The following DCAF6 variants were observed in gnomAD, a reference collection of about 807,000 sequenced individuals.
DCAF6 encodes DDB1- and CUL4-associated factor 6.
A neutral mutation model predicts 125.1 loss-of-function variants in DCAF6; 54 were observed. The ratio of observed to expected loss-of-function variants is 0.43; its 90% CI spans 0.35 to 0.54. The LOEUF is 0.54. Among genes scored for constraint, DCAF6 ranks in the 20% least tolerant of loss-of-function variants. The pLI, the probability that DCAF6 is intolerant of heterozygous loss-of-function variation, is 0.01. For synonymous variants in DCAF6, 371 were observed against 390.4 expected (o/e 0.95, Z 0.58); for missense variants, 934 against 1,161.7 (o/e 0.80, Z 2.85).
the DCAF6 span, among the ~76,000 whole-genome samples, chr1:167,868,096 G>A: frequency 5.9e-5 from 9 of 152,234 alleles, no homozygotes; most frequent in South Asian, 4.1e-4. Flanking sequence ...AACTCTCTCC[G>A]GAACCAGTAT....
chr1:167,981,348 T>C (rs1333865512), intron 4 of DCAF6, among the ~76,000 whole-genome samples: 1 of 152,226 alleles, frequency 6.6e-6, no homozygotes. Flanking sequence ...TCCCAGCAGC[T>C]TTTTTCTTAC....
chr1:168,011,507 A>G (rs1412297546), intron 10 of DCAF6, among the ~76,000 whole-genome samples: 4 of 152,220 alleles, frequency 2.6e-5, no homozygotes, highest in South Asian at 2.1e-4. Flanking sequence ...ATTTTGGCCT[A>G]TGTAGAATTA....
At chr1:168,066,621 ATGT>A (rs1692366117) in intron 20 of DCAF6, among the ~76,000 whole-genome samples, 156 bp downstream of exon 20, 1 of 152,192 alleles carries the variant, frequency 6.6e-6, no homozygotes, top group African/African-American at 2.4e-5. Context: ...AGATAAAAGG[ATGT>A]CTATAATACT....
intron 17 of DCAF6, chr1:168,056,170 A>G: frequency 6.2e-7 from 1 of 1,603,528 alleles, no homozygotes; most frequent in Non-Finnish European, 8.5e-7. Context: ...GGGAGACTAC[A>G]ATAAACAACA....
rs1251103691 is a variant in DCAF6 at position 168,050,932 on chromosome 1, A to T, written c.2299A>T (p.Arg767Ter). The T allele has an allele frequency of 1.3e-5, 18 of 1,382,286 alleles. No homozygotes were observed. The highest frequency in any genetic ancestry group is 1.7e-5 in the Non-Finnish European group (18 of 1,042,606). The allele number at this position is 1,382,286 out of a possible 1,614,324, so 85.6% of individuals were successfully genotyped here. A position where few individuals can be genotyped will look rare whatever the true frequency, so the allele number is the denominator to read the frequency against. Reference sequence around the variant, plus strand: ...AACAACAATAGGTGATAGAATAATGAGGTAATTCAGTATGTTCCTTCATAA... The same window carrying T: ...AACAACAATAGGTGATAGAATAATGTGGTAATTCAGTATGTTCCTTCATAA... ...RGTTIGDRIM[R>*]RSAVARIQEF... Residue 767 changes from arginine (R) to a stop codon, truncating the protein, a stop_gained and splice_region_variant, in exon 17 of 22, where the codon AGA becomes TGA. Transcript: ENST00000367840. LOFTEE classifies it high-confidence loss of function.
chr1:167,869,764 C>A, the DCAF6 span, among the ~76,000 whole-genome samples: 1 of 152,128 alleles, frequency 6.6e-6, no homozygotes, highest in African/African-American at 2.4e-5. Flanking sequence ...GAGTTGTGAG[C>A]CCTTAAAAGG....
At chr1:167,900,554 T>C in the DCAF6 span, among the ~76,000 whole-genome samples, 3 of 152,114 alleles carry the variant, frequency 2.0e-5, no homozygotes, top group South Asian at 2.1e-4. Flanking sequence ...TTTTTTGAGA[T>C]GGAGTTTCAC....
chr1:168,068,702 T>C (rs946944578), intron 21 of DCAF6, among the ~76,000 whole-genome samples: 1 of 152,168 alleles, frequency 6.6e-6, no homozygotes, highest in Non-Finnish European at 1.5e-5. Flanking sequence ...AAAACTCTTA[T>C]CAGCTGCTGT....
At chr1:167,970,911 A>G (rs1211919551) in intron 3 of DCAF6, among the ~76,000 whole-genome samples, 1 of 152,134 alleles carries the variant, frequency 6.6e-6, no homozygotes, top group Admixed American at 6.5e-5. Context: ...TCCCCATCAT[A>G]TACTGGGGAG....
chr1:168,050,251 A>G (rs1047818176), intron 16 of DCAF6, among the ~76,000 whole-genome samples: 1 of 152,048 alleles, frequency 6.6e-6, no homozygotes, highest in Non-Finnish European at 1.5e-5. Context: ...CCATATACCT[A>G]CTCTGGACCA....
the DCAF6 span, chr1:167,878,543 G>C: frequency 3.1e-6 from 5 of 1,614,168 alleles, no homozygotes; most frequent in South Asian, 5.5e-5. Context: ...TACGCTGGTA[G>C]GTTGCTCCCA....
At chr1:168,047,620 T>G (rs1204671560) in intron 16 of DCAF6, among the ~76,000 whole-genome samples, 1 of 152,012 alleles carries the variant, frequency 6.6e-6, no homozygotes, top group African/African-American at 2.4e-5. Flanking sequence ...CTTAATTATT[T>G]ATGAATAAGA....
chr1:168,063,851 G>A (rs1011654510), intron 18 of DCAF6, 92 bp downstream of exon 18: 3 of 1,229,868 alleles, frequency 2.4e-6, no homozygotes, highest in African/African-American at 3.2e-5. Flanking sequence ...ATTGCCAATG[G>A]GATTTCAGTA....
chr1:167,878,075 CTT>C, the DCAF6 span, among the ~76,000 whole-genome samples: 7 of 152,192 alleles, frequency 4.6e-5, no homozygotes, highest in Non-Finnish European at 8.8e-5. Flanking sequence ...ATCTTATACT[CTT>C]TTAACCCTAA....
the DCAF6 span, among the ~76,000 whole-genome samples, chr1:167,929,925 T>A: frequency 2.0e-5 from 3 of 152,186 alleles, no homozygotes; most frequent in Admixed American, 2.0e-4. Flanking sequence ...TTTGTTACTT[T>A]TTAACACCCC....
At chr1:168,041,783 AATC>A (rs1334586411) in intron 13 of DCAF6, among the ~76,000 whole-genome samples, 2 of 151,932 alleles carry the variant, frequency 1.3e-5, no homozygotes, top group African/African-American at 4.8e-5. Flanking sequence ...TTCATGCCTG[AATC>A]ATAGCTTTCT....
chr1:168,066,489 A>C lies in DCAF6; in HGVS notation c.2685+24A>C, dbSNP rs200434209. On this transcript the variant is annotated intron_variant, in intron 20 of 21. Transcript: ENST00000367840. Reference sequence around the variant, plus strand: ...AAGTAAGATTTTTATTGTACTTACTATAGACCATATTTCAATTTGTTCCTA... The same window carrying C: ...AAGTAAGATTTTTATTGTACTTACTCTAGACCATATTTCAATTTGTTCCTA... 3.5e-4 allele frequency: 497 copies of C among 1,427,344 alleles called. 1 individual carries two copies. The African/African-American group carries it at 6.2e-3, about 18-fold the overall frequency. The allele number at this position is 1,427,344 out of a possible 1,614,324, so 88.4% of individuals were successfully genotyped here.
At chr1:168,007,819 C>T (rs1428444933) in intron 10 of DCAF6, among the ~76,000 whole-genome samples, 1 of 151,962 alleles carries the variant, frequency 6.6e-6, no homozygotes, top group Non-Finnish European at 1.5e-5. Flanking sequence ...TGTGTCAGTT[C>T]CTCATAGCTT....
At chr1:168,031,790 C>G (rs1687129456) in intron 12 of DCAF6, among the ~76,000 whole-genome samples, 1 of 152,056 alleles carries the variant, frequency 6.6e-6, no homozygotes, top group African/African-American at 2.4e-5. Flanking sequence ...TCATGTGCCA[C>G]ATGGCGTGGG....
Sources: allele counts gnomAD v4.1 joint callset (sites outside exome capture counted in the v4.1 genomes callset), GRCh38; gene constraint gnomAD v4.1.1; transcripts MANE v1.5; gene names NCBI Gene and HGNC (gene_info 2026-07-23, HGNC 2026-07-21).